HEY1: variants seen among roughly 807,000 people sequenced by gnomAD.
HEY1 encodes the protein hes related family bHLH transcription factor with YRPW motif 1.
Under a neutral mutation model 28.7 loss-of-function variants are expected in HEY1, and 9 were observed. The ratio of observed to expected loss-of-function variants is 0.31; its 90% CI spans 0.19 to 0.55. The LOEUF (loss-of-function observed/expected upper bound fraction) is 0.55. Among genes scored for constraint, HEY1 ranks in the 20% least tolerant of loss-of-function variants. The pLI is 0.93. For synonymous variants in HEY1, 213 were observed against 175.6 expected (o/e 1.21, Z -1.68); for missense variants, 385 against 399.4 (o/e 0.96, Z 0.31).
At position 79,765,250 on chromosome 8, in the gene HEY1, T is replaced by C; in HGVS notation, c.853A>G (p.Thr285Ala). Residue 285 changes from threonine (T) to alanine (A), a missense_variant, in exon 5 of 5, where the codon ACG becomes GCG. Physicochemically the swap from Thr to Ala is moderately conservative, Grantham distance 58 (BLOSUM62 0). This residue lies in a region of HEY1 where 223 missense variants were observed against 215.9 expected (regional missense o/e 1.03). Transcript: ENST00000354724. ...GGCTTGCCAAGGTTTGCAGCCTGCGTGGGTGCTGAAGGGCTCAGTGCATTG... is the reference window on the plus strand; with the variant it reads ...GGCTTGCCAAGGTTTGCAGCCTGCGCGGGTGCTGAAGGGCTCAGTGCATTG... The part of the protein sequence containing the change: ...SPNALSPSAP[T>A]QAANLGKPYR... 1.3e-6 allele frequency: 2 copies of C among 1,554,142 alleles called. No homozygotes were observed. The highest frequency in any genetic ancestry group is 2.4e-5 in the East Asian group (1 of 41,432).
chr8:79,766,623 G>C, intron 4 of HEY1, 28 bp downstream of exon 4: 2 of 1,613,330 alleles, frequency 1.2e-6, no homozygotes. Flanking sequence ...CAACCATTCA[G>C]AGCCCCCACT....
intron 4 of HEY1, chr8:79,766,328 CT>C: frequency 6.6e-7 from 1 of 1,504,588 alleles, no homozygotes; most frequent in Non-Finnish European, 8.8e-7. Flanking sequence ...TTTTTAAATG[CT>C]TTTTCTCAAA....
At chr8:79,766,036 A>G (rs1366497549) in intron 4 of HEY1, among the ~76,000 whole-genome samples, 1 of 150,210 alleles carries the variant, frequency 6.7e-6, no homozygotes, top group African/African-American at 2.5e-5. Flanking sequence ...AACTATGTTC[A>G]TTCCTTTAAT....
intron 3 of HEY1, 55 bp from the exon 4 acceptor site, chr8:79,766,787 T>A: frequency 6.4e-7 from 1 of 1,553,490 alleles, no homozygotes; most frequent in Non-Finnish European, 8.9e-7. Flanking sequence ...TGGGGAACAA[T>A]TTAAAATATG....
chr8:79,765,684 A>T lies in HEY1; in HGVS notation c.419T>A (p.Ile140Asn), dbSNP rs1807816612. Reference protein sequence around the residue: ...CLAEVARYLSIIEGLDASDPL... With the variant: ...CLAEVARYLSNIEGLDASDPL... ...GTCAGAGGCATCTAGTCCTTCAATG[A>T]TGCTCAGATAACGCGCAACTTCTGC... is the stretch of plus-strand genomic sequence containing the variant. The change falls in exon 5 of 5, where the codon ATC becomes AAC. Residue 140 changes from isoleucine (I) to asparagine (N), a missense_variant. Physicochemically the swap from Ile to Asn is moderately radical, Grantham distance 149. This residue lies in a region of HEY1 where 83 missense variants were observed against 122.7 expected (regional missense o/e 0.68). Coordinates refer to ENST00000354724, the MANE Select transcript of HEY1 (RefSeq NM_012258.4). 1 of 1,614,114 alleles carries T rather than the reference A, an allele frequency of 6.2e-7. No individual in the cohort carries two copies. Among genetic ancestry groups the T allele is most frequent in the Non-Finnish European group, 8.5e-7 (1 of 1,180,040 alleles).
rs144680823 is a variant in HEY1 at position 79,765,535 on chromosome 8, T to C, written c.568A>G (p.Ile190Val). Residue 190 changes from isoleucine to valine, a missense_variant, in exon 5 of 5, where the codon ATC becomes GTC. Physicochemically the swap from Ile to Val is conservative, Grantham distance 29. Coordinates refer to ENST00000354724, the MANE Select transcript of HEY1 (RefSeq NM_012258.4). Reference sequence around the variant, plus strand: ...TGGGGCAGCAACAGCGGGTGCGCGATGTGCGGGTGATGTCCGAAGACGGTC... The same window carrying C: ...TGGGGCAGCAACAGCGGGTGCGCGACGTGCGGGTGATGTCCGAAGACGGTC... ...WGTVFGHHPH[I>V]AHPLLLPQNG... 8.7e-6 allele frequency: 14 copies of C among 1,613,738 alleles called. No homozygotes were observed. In the African/African-American group the frequency reaches 1.6e-4, roughly 18 times the overall value.
Position 79,765,571 on chromosome 8 carries a change from T to C in HEY1, c.532A>G (p.Ile178Val), listed in dbSNP as rs1026461807. The C allele has an allele frequency of 9.3e-6, 15 of 1,613,996 alleles. No individual in the cohort carries two copies. Among genetic ancestry groups the C allele is most frequent in the African/African-American group, 1.3e-5 (1 of 74,914 alleles). Residue 178 changes from isoleucine to valine, a missense_variant, in exon 5 of 5, where the codon ATT (isoleucine) becomes GTT (valine). By Grantham distance (29) the Ile-to-Val change is conservative. Coordinates refer to ENST00000354724, the MANE Select transcript of HEY1 (RefSeq NM_012258.4). ...ASGAHAGLGH[I>V]PWGTVFGHHP... The stretch of plus-strand genomic sequence containing the variant: ...TGTCCGAAGACGGTCCCCCAGGGAA[T>C]GTGTCCGAGGCCCGCGTGGGCGCCG...
chr8:79,766,802 C>T, intron 3 of HEY1, 70 bp from the exon 4 acceptor site: 2 of 1,496,848 alleles, frequency 1.3e-6, no homozygotes, highest in Non-Finnish European at 9.3e-7. Flanking sequence ...AATATGCAAA[C>T]ATATATACAA....
At chr8:79,766,094 CAG>C (rs1359673999) in intron 4 of HEY1, 1 of 844,608 alleles carries the variant, frequency 1.2e-6, no homozygotes, top group Non-Finnish European at 1.8e-6. Flanking sequence ...AGAGAAACCA[CAG>C]AGCAGTGAAA....
At position 79,767,294 on chromosome 8, in the gene HEY1, T is replaced by A. The variant is rs182968751; in HGVS notation, c.90A>T (p.Gly30=). The change falls in exon 2 of 5, where the codon GGA becomes GGT. Residue 30 remains glycine (G), a splice_region_variant and synonymous_variant. Coordinates refer to ENST00000354724, the MANE Select transcript of HEY1 (RefSeq NM_012258.4). ...EVEKESADEN[G]NLSSALGSMS... is the part of the protein sequence containing the mutation. ...TGGAACCTAGAGCCGAACTCAAGTT[T>A]CTGAAAAGAGAAAAAGAACAAACAA... The A allele has an allele frequency of 1.9e-6, 3 of 1,609,086 alleles. No individual in the cohort carries two copies. The East Asian group carries it at 6.7e-5, about 36-fold the overall frequency.
intron 1 of HEY1, 67 bp from the exon 2 acceptor site, chr8:79,767,361 G>A: frequency 7.0e-7 from 1 of 1,421,330 alleles, no homozygotes; most frequent in Non-Finnish European, 9.9e-7. Flanking sequence ...GATCTGAGAG[G>A]TCGCCCCCAC....
At chr8:79,766,588 C>G in intron 4 of HEY1, 63 bp downstream of exon 4, 1 of 1,607,834 alleles carries the variant, frequency 6.2e-7, no homozygotes, top group Non-Finnish European at 8.5e-7. Context: ...CCAATCCTGG[C>G]CTTCAGCCGC....
Position 79,767,027 on chromosome 8 carries a change from G to C in HEY1, c.231C>G (p.Pro77=), listed in dbSNP as rs140932864. ...NSLSELRRLV[P]SAFEKQGSAK... is the part of the protein sequence containing the mutation. ...CCATTACCTGCTTCTCAAAAGCACT[G>C]GGTACCAGCCTTCTCAGCTCAGACA... The change falls in exon 3 of 5, where the codon CCC becomes CCG. Residue 77 remains proline, a synonymous_variant. Transcript: ENST00000354724. The C allele has an allele frequency of 7.3e-5, 118 of 1,613,970 alleles. No homozygotes were observed. In the African/African-American group the frequency reaches 1.5e-3, roughly 20 times the overall value.
chr8:79,766,486 C>CT, intron 4 of HEY1, 165 bp downstream of exon 4: 1 of 1,506,436 alleles, frequency 6.6e-7, no homozygotes, highest in Non-Finnish European at 8.8e-7. Context: ...GGAGAAGATT[C>CT]TATGTGCATT....
At chr8:79,766,867 C>T in intron 3 of HEY1, 135 bp from the exon 4 acceptor site, 1 of 1,208,434 alleles carries the variant, frequency 8.3e-7, no homozygotes, top group South Asian at 1.3e-5. Flanking sequence ...CAGTTGTCTT[C>T]ACAAAATACG....
intron 2 of HEY1, 54 bp from the exon 3 acceptor site, chr8:79,767,146 CAAAG>C: frequency 6.3e-7 from 1 of 1,575,480 alleles, no homozygotes; most frequent in African/African-American, 1.4e-5. Context: ...CTGTAAATTT[CAAAG>C]ACAAAAAAAA....
Position 79,765,346 on chromosome 8 carries a change from G to T in HEY1, c.757C>A (p.Pro253Thr). ...AGGGAGGCCACTGAGGAGAGCAGAGGCGGCGACAGTTTGGAGGCGGAGGTG... is the reference window on the plus strand; with the variant it reads ...AGGGAGGCCACTGAGGAGAGCAGAGTCGGCGACAGTTTGGAGGCGGAGGTG... ...VVTSASKLSP[P>T]LLSSVASLSA... The change falls in exon 5 of 5, where the codon CCT becomes ACT. Residue 253 changes from proline (P) to threonine (T), a missense_variant. By Grantham distance (38) the Pro-to-Thr change is conservative. Around this residue, in one of 3 missense-constraint regions of HEY1, gnomAD observed 223 missense variants for 215.9 expected, o/e 1.03. Coordinates refer to ENST00000354724, the MANE Select transcript of HEY1 (RefSeq NM_012258.4). 6.3e-7 allele frequency: 1 copy of T among 1,577,078 alleles called. No individual in the cohort carries two copies. Among genetic ancestry groups the T allele is most frequent in the Non-Finnish European group, 8.6e-7 (1 of 1,160,996 alleles).
chr8:79,766,160 C>T, intron 4 of HEY1: 2 of 1,446,888 alleles, frequency 1.4e-6, no homozygotes, highest in Non-Finnish European at 1.9e-6. Context: ...GGCACTTGGA[C>T]CTCAGTAAAG....
Position 79,765,343 on chromosome 8 carries a change from G to A in HEY1, c.760C>T (p.Leu254=), listed in dbSNP as rs2130487107. ...GACAGGGAGGCCACTGAGGAGAGCA[G>A]AGGCGGCGACAGTTTGGAGGCGGAG... The part of the protein sequence containing the change: ...VTSASKLSPP[L]LSSVASLSAF... Residue 254 remains leucine (L), a synonymous_variant, in exon 5 of 5, where the codon CTG becomes TTG. Coordinates refer to ENST00000354724, the MANE Select transcript of HEY1 (RefSeq NM_012258.4). 1.3e-6 allele frequency: 2 copies of A among 1,575,944 alleles called. No homozygotes were observed. Among genetic ancestry groups the A allele is most frequent in the Non-Finnish European group, 1.7e-6 (2 of 1,160,338 alleles).
Sources: allele counts gnomAD v4.1 joint callset (sites outside exome capture counted in the v4.1 genomes callset), GRCh38; gene constraint gnomAD v4.1.1; regional missense constraint gnomAD v4.1.1; transcripts MANE v1.5; gene names NCBI Gene and HGNC (gene_info 2026-07-23, HGNC 2026-07-21).